The following RAB6A variants were observed in gnomAD, a reference collection of about 807,000 sequenced individuals.
The protein encoded by RAB6A is RAB6A, member RAS oncogene family.
RAB6A carries 8 observed loss-of-function variants against 32.3 expected under a neutral mutation model. The observed-to-expected ratio is 0.25, with a 90% CI of 0.15 to 0.45. The LOEUF is 0.45. Among genes scored for constraint, RAB6A ranks in the 20% least tolerant of loss-of-function variants. The probability of loss-of-function intolerance (pLI) is 1.00; values close to 1 mark genes in which losing one functional copy is unlikely to be tolerated. For missense variants in RAB6A, 104 were observed against 249.4 expected, an observed-to-expected ratio of 0.42 and a Z score of 3.93; for synonymous variants, 73 against 82.1, an observed-to-expected ratio of 0.89 and a Z score of 0.60.
At chr11:73,732,919 T>A (rs1946340717) in intron 1 of RAB6A, among the ~76,000 whole-genome samples, 1 of 151,874 alleles carries the variant, frequency 6.6e-6, no homozygotes, top group South Asian at 2.1e-4. Flanking sequence ...TTCAAGCAAT[T>A]CTCCTGTCTC....
At chr11:73,680,439 G>A (rs764392764) in intron 6 of RAB6A, among the ~76,000 whole-genome samples, 73 of 152,280 alleles carry the variant, frequency 4.8e-4, no homozygotes, top group African/African-American at 1.7e-3. Flanking sequence ...TGTGGATCAC[G>A]AGGTCAGGAG....
At chr11:73,734,793 GA>G (rs991232550) in intron 1 of RAB6A, among the ~76,000 whole-genome samples, 2 of 151,812 alleles carry the variant, frequency 1.3e-5, no homozygotes, top group African/African-American at 4.8e-5. Context: ...AAATCTAGGA[GA>G]AAAAAAACTA....
intron 3 of RAB6A, among the ~76,000 whole-genome samples, chr11:73,719,667 G>A (rs1272787989): frequency 6.6e-6 from 1 of 150,602 alleles, no homozygotes; most frequent in African/African-American, 2.4e-5. Flanking sequence ...TCAGGCTGAA[G>A]TGCAGTGGTG....
intron 1 of RAB6A, chr11:73,759,984 G>A (rs1454255499): frequency 1.6e-6 from 2 of 1,256,366 alleles, no homozygotes; most frequent in Non-Finnish European, 2.1e-6. Flanking sequence ...TTCCTCTATG[G>A]CCCAGACTAA....
At chr11:73,743,743 T>C (rs1946537318) in intron 1 of RAB6A, among the ~76,000 whole-genome samples, 1 of 152,172 alleles carries the variant, frequency 6.6e-6, no homozygotes, top group Admixed American at 6.6e-5. Flanking sequence ...TCTCCAAGCA[T>C]ACTATGTACT....
intron 2 of RAB6A, among the ~76,000 whole-genome samples, chr11:73,724,904 C>T (rs1946193821): frequency 6.6e-6 from 1 of 152,164 alleles, no homozygotes; most frequent in African/African-American, 2.4e-5. Context: ...TTGATTTGTT[C>T]ACTGCAGTAT....
At chr11:73,720,628 C>A (rs1169602624) in intron 3 of RAB6A, among the ~76,000 whole-genome samples, 2 of 152,156 alleles carry the variant, frequency 1.3e-5, no homozygotes, top group Admixed American at 6.5e-5. Flanking sequence ...CATAAAAATT[C>A]TCCTTTAATT....
chr11:73,713,632 A>T (rs1207906305), intron 5 of RAB6A, among the ~76,000 whole-genome samples: 1 of 152,138 alleles, frequency 6.6e-6, no homozygotes, highest in African/African-American at 2.4e-5. Flanking sequence ...ATCTAATAGG[A>T]GAATATGCTC....
chr11:73,714,052 T>C (rs1230104571), intron 5 of RAB6A, among the ~76,000 whole-genome samples: 1 of 151,064 alleles, frequency 6.6e-6, no homozygotes, highest in Non-Finnish European at 1.5e-5. Flanking sequence ...ATTAGCCAGA[T>C]GTGGTGGCAA....
chr11:73,739,280 A>ATACATATATATATATATATATATAT (rs1389085059), intron 1 of RAB6A, among the ~76,000 whole-genome samples: 3 of 18,422 alleles, frequency 1.6e-4, no homozygotes, highest in African/African-American at 3.6e-4. Context: ...AAAAAAAAAA[A>ATACATATATATATATATATATATAT]AAAAATATAT....
chr11:73,739,672 G>A (rs1464772935), intron 1 of RAB6A, among the ~76,000 whole-genome samples: 1 of 151,970 alleles, frequency 6.6e-6, no homozygotes, highest in Non-Finnish European at 1.5e-5. Context: ...TAAAAGATAA[G>A]TTTTATAAGT....
At chr11:73,715,196 AG>A (rs998161700) in intron 5 of RAB6A, among the ~76,000 whole-genome samples, 1 of 151,962 alleles carries the variant, frequency 6.6e-6, no homozygotes, top group African/African-American at 2.4e-5. Context: ...GCACAATTTC[AG>A]CTCACTGCAA....
At chr11:73,695,066 A>G (rs929027313) in intron 6 of RAB6A, among the ~76,000 whole-genome samples, 10 of 152,072 alleles carry the variant, frequency 6.6e-5, no homozygotes, top group Non-Finnish European at 1.5e-4. Context: ...TTTTTAATCT[A>G]TAGTTTTAAT....
At chr11:73,717,022 AG>A (rs1946063012) in intron 4 of RAB6A, among the ~76,000 whole-genome samples, 2 of 152,270 alleles carry the variant, frequency 1.3e-5, no homozygotes, top group Non-Finnish European at 2.9e-5. Context: ...AAAATACACC[AG>A]GTTTCACTTG....
intron 7 of RAB6A, among the ~76,000 whole-genome samples, chr11:73,678,787 G>A (rs1386923542): frequency 2.0e-5 from 3 of 150,970 alleles, no homozygotes; most frequent in Non-Finnish European, 4.4e-5. Flanking sequence ...GTGCAATGGC[G>A]TGATCTCGGC....
intron 1 of RAB6A, among the ~76,000 whole-genome samples, chr11:73,760,252 G>A (rs1299935680): frequency 2.0e-5 from 3 of 152,150 alleles, no homozygotes; most frequent in African/African-American, 7.2e-5. Flanking sequence ...CAATGACCGA[G>A]ACCGGAGGAA....
intron 6 of RAB6A, among the ~76,000 whole-genome samples, chr11:73,694,168 T>C (rs1367733510): frequency 6.6e-6 from 1 of 152,200 alleles, no homozygotes; most frequent in Non-Finnish European, 1.5e-5. Flanking sequence ...ATGATTCTAA[T>C]GTGCAGCTAG....
At chr11:73,730,707 C>T (rs1590871366) in intron 2 of RAB6A, 58 bp downstream of exon 2, 1 of 1,359,990 alleles carries the variant, frequency 7.4e-7, no homozygotes. Flanking sequence ...TTAAAAATAT[C>T]TTGAATATTA....
chr11:73,733,992 C>T (rs1328121328), intron 1 of RAB6A, among the ~76,000 whole-genome samples: 1 of 152,028 alleles, frequency 6.6e-6, no homozygotes, highest in Non-Finnish European at 1.5e-5. Context: ...ATATATGTAT[C>T]ATTCCCAATA....
Sources: allele counts gnomAD v4.1 joint callset (sites outside exome capture counted in the v4.1 genomes callset), GRCh38; gene constraint gnomAD v4.1.1; transcripts MANE v1.5; gene names NCBI Gene and HGNC (gene_info 2026-07-23, HGNC 2026-07-21).